The following HAVCR1 variants were observed in gnomAD, a reference collection of about 807,000 sequenced individuals.
HAVCR1 encodes the protein hepatitis A virus cellular receptor 1.
Under a neutral mutation model 32.0 loss-of-function variants are expected in HAVCR1, and 34 were observed. The observed-to-expected ratio is 1.06, with a 90% CI of 0.81 to 1.42. The LOEUF (loss-of-function observed/expected upper bound fraction) is 1.42, where lower values mean the gene tolerates loss of function less well. HAVCR1 is among the 40% of genes most tolerant of loss of function. The pLI is 0.00. For missense variants in HAVCR1, 420 were observed against 442.3 expected, an observed-to-expected ratio of 0.95 and a Z score of 0.45; for synonymous variants, 178 against 170.3, an observed-to-expected ratio of 1.05 and a Z score of -0.35.
In HAVCR1 at chr5:157,052,350, A is replaced by G. The variant is rs2113612880; in HGVS notation, c.673+11T>C. Reference sequence around the variant, plus strand: ...AGAAGGCCTTTGGGCTTCCAAACACATCTGTTTTACCTGGTTCATGGTTCT... The same window carrying G: ...AGAAGGCCTTTGGGCTTCCAAACACGTCTGTTTTACCTGGTTCATGGTTCT... On this transcript the variant is annotated intron_variant, in intron 4 of 8. Transcript: ENST00000523175. 3.7e-6 allele frequency: 6 copies of G among 1,613,288 alleles called. No individual in the cohort carries two copies. The highest frequency in any genetic ancestry group is 1.7e-4 in the Middle Eastern group (1 of 6,060).
At chr5:157,040,923 A>G (rs1754852078) in intron 6 of HAVCR1, among the ~76,000 whole-genome samples, 1 of 152,036 alleles carries the variant, frequency 6.6e-6, no homozygotes, top group African/African-American at 2.4e-5. Flanking sequence ...ATAAATAAAT[A>G]ATAAAAAATA....
chr5:157,051,932 A>G (rs905696267), intron 4 of HAVCR1, among the ~76,000 whole-genome samples: 1 of 152,200 alleles, frequency 6.6e-6, no homozygotes. Flanking sequence ...CTCTGAAATC[A>G]AGGTCTGCTT....
rs549519614 is a variant in HAVCR1, at chr5:157,032,348, G to A, written c.986+506C>T. The stretch of plus-strand genomic sequence containing the variant: ...AGCCTAACCAACATGGAGAAACCCC[G>A]TCTCTACTAAAAATACAAAATTAGC... On this transcript the variant is annotated intron_variant, in intron 8 of 8. Transcript: ENST00000523175. Among the ~76,000 whole-genome samples the A allele has an allele frequency of 2.7e-4, 41 of 152,106 alleles. No homozygotes were observed. The South Asian group carries it at 2.9e-3, about 11-fold the overall frequency.
chr5:157,034,395 T>C (rs113679643), intron 7 of HAVCR1, among the ~76,000 whole-genome samples: 62 of 152,154 alleles, frequency 4.1e-4, no homozygotes, highest in African/African-American at 1.5e-3. Flanking sequence ...GCTGCCAGCA[T>C]GTCCCACCTC....
At chr5:157,040,878 C>G (rs1021509111) in intron 6 of HAVCR1, among the ~76,000 whole-genome samples, 1 of 151,300 alleles carries the variant, frequency 6.6e-6, no homozygotes, top group African/African-American at 2.4e-5. Flanking sequence ...CCAGCCTGGG[C>G]GATGAAAGTA....
At chr5:157,055,101 G>T in intron 3 of HAVCR1, 100 bp downstream of exon 3, 1 of 635,476 alleles carries the variant, frequency 1.6e-6, no homozygotes. Flanking sequence ...TTTAAAAACA[G>T]GACTTACGGG....
intron 7 of HAVCR1, among the ~76,000 whole-genome samples, chr5:157,036,372 A>T (rs1448300557): frequency 1.3e-5 from 2 of 152,086 alleles, no homozygotes; most frequent in Admixed American, 6.6e-5. Flanking sequence ...CCAGCTACTC[A>T]GGAGGCTGAG....
At chr5:157,056,234 A>G (rs796404842) in intron 2 of HAVCR1, among the ~76,000 whole-genome samples, 2 of 152,080 alleles carry the variant, frequency 1.3e-5, no homozygotes, top group South Asian at 4.1e-4. Flanking sequence ...CCAGCCTTGT[A>G]AATAGACATT....
chr5:157,063,129 A>AAAAG (rs200549872), upstream of HAVCR1, among the ~76,000 whole-genome samples: 84 of 144,782 alleles, frequency 5.8e-4, no homozygotes, highest in East Asian at 3.2e-3. Context: ...CTCAAAAAAA[A>AAAAG]AAAGAAAGAA....
At position 157,055,368 on chromosome 5, in the gene HAVCR1, T is replaced by A; in HGVS notation, c.212A>T (p.Tyr71Phe). The A allele has an allele frequency of 6.2e-7, 1 of 1,613,954 alleles. No homozygotes were observed. The highest frequency in any genetic ancestry group is 8.5e-7 in the Non-Finnish European group (1 of 1,179,824). Reference protein sequence around the residue: ...IVWTNGTHVTYRKDTRYKLLG... With the variant: ...IVWTNGTHVTFRKDTRYKLLG... Reference sequence around the variant, plus strand: ...TAGCTTATAGCGTGTGTCCTTCCGATAGGTGACGTGGGTTCCATTGGTCCA... The same window carrying A: ...TAGCTTATAGCGTGTGTCCTTCCGAAAGGTGACGTGGGTTCCATTGGTCCA... Residue 71 changes from tyrosine to phenylalanine, a missense_variant, in exon 3 of 9, where the codon TAT becomes TTT. Transcript: ENST00000523175.
chr5:157,055,634 G>T, intron 2 of HAVCR1, 101 bp from the exon 3 acceptor site: 1 of 691,754 alleles, frequency 1.4e-6, no homozygotes. Flanking sequence ...GGGAGACCAA[G>T]GCAGGCAGAT....
chr5:157,041,829 C>T (rs369102368), intron 6 of HAVCR1, among the ~76,000 whole-genome samples: 43 of 152,212 alleles, frequency 2.8e-4, no homozygotes, highest in East Asian at 1.9e-3. Context: ...GAGGCCGAGG[C>T]GGGTAGATTG....
rs1337238062 is a variant in HAVCR1, at chr5:157,052,500, A to G, written c.534T>C (p.Val178=). Residue 178 remains valine, a synonymous_variant, in exon 4 of 9, where the codon GTT becomes GTC. Coordinates refer to ENST00000523175, the MANE Select transcript of HAVCR1 (RefSeq NM_001173393.3). ...TTMSIPTTTT[V]LTTMTVSTTT... is the part of the protein sequence containing the mutation. ...TCGTTGAAACAGTCATTGTCGTCAG[A>G]ACAGTCGTTGTCGTTGGAATGCTCA... is the stretch of plus-strand genomic sequence containing the variant. The G allele has an allele frequency of 6.2e-7, 1 of 1,600,490 alleles. No individual in the cohort carries two copies. Among genetic ancestry groups the G allele is most frequent in the Non-Finnish European group, 8.5e-7 (1 of 1,171,326 alleles).
intron 2 of HAVCR1, among the ~76,000 whole-genome samples, chr5:157,057,407 GAAAGAAAGAAAGAAAGAAAGA>G (rs1328940525): frequency 4.1e-5 from 4 of 97,662 alleles, no homozygotes; most frequent in African/African-American, 1.4e-4. Context: ...AAGAAAGAAA[GAAAGAAAGAAAGAAAGAAAGA>G]AAGAAAGAAA....
At chr5:157,033,171 T>C (rs1442129695) in intron 7 of HAVCR1, among the ~76,000 whole-genome samples, 1 of 151,106 alleles carries the variant, frequency 6.6e-6, no homozygotes, top group Non-Finnish European at 1.5e-5. Context: ...TTAAAAAAAA[T>C]GAGTAAGTCC....
At chr5:157,060,587 T>C (rs1581739751), upstream of HAVCR1, among the ~76,000 whole-genome samples, 1 of 152,196 alleles carries the variant, frequency 6.6e-6, no homozygotes, top group African/African-American at 2.4e-5. Context: ...ATATATGTGG[T>C]GTCTGTCTCT....
intron 2 of HAVCR1, among the ~76,000 whole-genome samples, chr5:157,057,397 A>AAGAAAGAAAGAAAGAG: frequency 6.5e-5 from 2 of 30,940 alleles, no homozygotes; most frequent in African/African-American, 2.2e-4. Flanking sequence ...GAAAGAAAGA[A>AAGAAAGAAAGAAAGAG]AGAAAGAAAG....
chr5:157,032,976 A>T, intron 7 of HAVCR1, 89 bp from the exon 8 acceptor site: 1 of 805,112 alleles, frequency 1.2e-6, no homozygotes, highest in East Asian at 2.6e-5. Context: ...CAAGTGTATT[A>T]TTTCTGTTAT....
At chr5:157,064,610 T>C in the HAVCR1 span, among the ~76,000 whole-genome samples, 2 of 152,166 alleles carry the variant, frequency 1.3e-5, no homozygotes, top group Non-Finnish European at 2.9e-5. Flanking sequence ...CTCACACCTG[T>C]AATCCTAACA....
Sources: gnomAD v4.1 joint callset for allele counts (sites outside exome capture counted in the v4.1 genomes callset) on GRCh38, gnomAD v4.1.1 for gene constraint, MANE v1.5 for transcripts, NCBI Gene and HGNC (gene_info 2026-07-23, HGNC 2026-07-21) for gene names.